ARHGEF28: variants seen among roughly 807,000 people sequenced by gnomAD.
The protein encoded by ARHGEF28 is Rho guanine nucleotide exchange factor 28.
Under a neutral mutation model 206.6 loss-of-function variants are expected in ARHGEF28, and 152 were observed. That is an observed-to-expected ratio of 0.74 (90% confidence interval 0.64 to 0.84). The LOEUF (loss-of-function observed/expected upper bound fraction) is 0.84. Ranked by LOEUF, ARHGEF28 falls within the 40% of genes least tolerant of loss-of-function variation. The pLI is 0.00. For missense variants in ARHGEF28, 2,028 were observed against 2,073.2 expected (o/e 0.98, Z 0.42); for synonymous variants, 763 against 776.4 (o/e 0.98, Z 0.29).
chr5:73,761,464 GCAGGGAGC>G (rs1430139077), intron 4 of ARHGEF28, among the ~76,000 whole-genome samples: 1 of 152,110 alleles, frequency 6.6e-6, no homozygotes, highest in East Asian at 1.9e-4. Flanking sequence ...GGAGAGTGAG[GCAGGGAGC>G]CAGAAGAGAT....
intron 1 of ARHGEF28, among the ~76,000 whole-genome samples, chr5:73,654,451 C>T (rs1365152598): frequency 6.6e-6 from 1 of 152,152 alleles, no homozygotes; most frequent in African/African-American, 2.4e-5. Flanking sequence ...GCACCCAGAG[C>T]AGCATTTTTA....
At chr5:73,741,391 A>G (rs11746559) in intron 2 of ARHGEF28, among the ~76,000 whole-genome samples, 314 of 8,786 alleles carry the variant, frequency 0.036, 3 homozygotes, top group African/African-American at 0.091. Context: ...GTGTGTATAT[A>G]TATATATATA....
Position 73,778,634 on chromosome 5 carries a change from C to T in ARHGEF28, c.840+1938C>T, listed in dbSNP as rs534478402. The stretch of plus-strand genomic sequence containing the variant: ...ACCGAGAAGGAAGGGCTGAGAGATT[C>T]TTTATGGCTTCCGAAGACCTTAATT... On this transcript the variant is annotated intron_variant, in intron 6 of 35. Coordinates refer to ENST00000513042, the MANE Select transcript of ARHGEF28 (RefSeq NM_001177693.2). Among the ~76,000 whole-genome samples, 3 of 152,238 alleles carry T rather than the reference C, an allele frequency of 2.0e-5. No individual in the cohort carries two copies. In the South Asian group the frequency reaches 6.2e-4, roughly 32 times the overall value.
chr5:73,823,942 C>A (rs1009070105), intron 9 of ARHGEF28, among the ~76,000 whole-genome samples: 7 of 152,160 alleles, frequency 4.6e-5, no homozygotes, highest in Non-Finnish European at 1.0e-4. Context: ...ATTAATCATA[C>A]AGTGCCTGGT....
chr5:73,868,910 G>A lies in ARHGEF28; in HGVS notation c.2425+683G>A, dbSNP rs187168735. On this transcript the variant is annotated intron_variant, in intron 20 of 35. Coordinates refer to ENST00000513042, the MANE Select transcript of ARHGEF28 (RefSeq NM_001177693.2). ...GATCCAACTGCCTCGGCCTCCCAAA[G>A]TGCCGGGATTACAGGCATGAGCCAC... Among the ~76,000 whole-genome samples the A allele has an allele frequency of 1.1e-3, 172 of 152,290 alleles. No individual in the cohort carries two copies. In the Middle Eastern group the frequency reaches 0.027, roughly 24 times the overall value.
At chr5:73,657,247 A>G (rs866495292) in intron 1 of ARHGEF28, among the ~76,000 whole-genome samples, 3 of 148,818 alleles carry the variant, frequency 2.0e-5, no homozygotes, top group Non-Finnish European at 4.4e-5. Context: ...TCTCTTTCCC[A>G]TTTTTCACCT....
chr5:73,682,364 T>G (rs1438379730), intron 1 of ARHGEF28, among the ~76,000 whole-genome samples: 1 of 152,168 alleles, frequency 6.6e-6, no homozygotes, highest in Non-Finnish European at 1.5e-5. Flanking sequence ...TCATATTCAC[T>G]TTCTTGCCAA....
chr5:73,772,992 T>C (rs1293683765), intron 4 of ARHGEF28, among the ~76,000 whole-genome samples: 1 of 152,252 alleles, frequency 6.6e-6, no homozygotes, highest in African/African-American at 2.4e-5. Context: ...GTGTCCATTT[T>C]ACAGTGAACA....
Position 73,669,156 on chromosome 5 carries a change from T to A in ARHGEF28, c.-11-15685T>A, listed in dbSNP as rs1746150866. The stretch of plus-strand genomic sequence containing the variant: ...ATATTTTAAAAATTCCAATTCATTC[T>A]TAAAGGATAAAGCTTTTCTGCCACA... On this transcript the variant is annotated intron_variant, in intron 1 of 35. Coordinates refer to ENST00000513042, the MANE Select transcript of ARHGEF28 (RefSeq NM_001177693.2). 2.6e-5 allele frequency among the ~76,000 whole-genome samples: 4 copies of A among 152,358 alleles called. No individual in the cohort carries two copies. The South Asian group carries it at 8.3e-4, about 32-fold the overall frequency.
chr5:73,864,731 T>C, intron 16 of ARHGEF28, 86 bp from the exon 17 acceptor site: 1 of 1,141,774 alleles, frequency 8.8e-7, no homozygotes, highest in South Asian at 1.5e-5. Context: ...TTTTTTATAA[T>C]GACCAGTGAA....
chr5:73,904,240 C>T lies in ARHGEF28; in HGVS notation c.4093C>T (p.Pro1365Ser), dbSNP rs766076534. Residue 1365 changes from proline to serine, a missense_variant, in exon 32 of 36, where the codon CCA becomes TCA. Pro to Ser is a moderately conservative substitution (Grantham distance 74, BLOSUM62 -1). Around this residue, in one of 3 missense-constraint regions of ARHGEF28, gnomAD observed 803 missense variants for 768.0 expected, o/e 1.05. Transcript: ENST00000513042. Reference protein sequence around the residue: ...AGEKVECRNFPGSSQSEIIQA... With the variant: ...AGEKVECRNFSGSSQSEIIQA... The stretch of plus-strand genomic sequence containing the variant: ...ATTTTAGGTGGAATGTAGAAATTTT[C>T]CAGGTTCTTCACAATCAGAGGTGAG... The T allele has an allele frequency of 3.7e-6, 6 of 1,613,838 alleles. No homozygotes were observed. The highest frequency in any genetic ancestry group is 1.6e-4 in the Middle Eastern group (1 of 6,062).
intron 2 of ARHGEF28, among the ~76,000 whole-genome samples, chr5:73,713,602 T>C (rs1333450097): frequency 6.6e-6 from 1 of 152,192 alleles, no homozygotes; most frequent in Admixed American, 6.5e-5. Flanking sequence ...TGTTTGTGAA[T>C]ATTATCACCA....
At chr5:73,828,730 GTCTTTC>G (rs1366712439) in intron 9 of ARHGEF28, among the ~76,000 whole-genome samples, 2 of 132,888 alleles carry the variant, frequency 1.5e-5, no homozygotes, top group African/African-American at 2.8e-5. Context: ...CTTTCTCTCT[GTCTTTC>G]TCTTTCTTTC....
chr5:73,636,235 G>T (rs7704057), intron 1 of ARHGEF28, among the ~76,000 whole-genome samples: 14,721 of 152,114 alleles, frequency 0.097, 1,166 homozygotes, highest in East Asian at 0.33. Flanking sequence ...GAACCCTCTA[G>T]GTTATCTTCT....
At chr5:73,894,318 C>CT in intron 28 of ARHGEF28, 75 bp from the exon 29 acceptor site, 1 of 1,415,652 alleles carries the variant, frequency 7.1e-7, no homozygotes, top group South Asian at 1.4e-5. Flanking sequence ...TTAGCAACAT[C>CT]TTTTTCGTGG....
chr5:73,651,482 T>C (rs978237319), intron 1 of ARHGEF28, among the ~76,000 whole-genome samples: 3 of 152,180 alleles, frequency 2.0e-5, no homozygotes, highest in Non-Finnish European at 4.4e-5. Context: ...TGGTAGAGAT[T>C]GTGGGGAATG....
chr5:73,890,517 G>C (rs1761560182), intron 26 of ARHGEF28, among the ~76,000 whole-genome samples: 1 of 152,222 alleles, frequency 6.6e-6, no homozygotes, highest in South Asian at 2.1e-4. Flanking sequence ...CCATGGGGCT[G>C]CTTTTGCTTC....
chr5:73,817,970 T>C (rs1756331205), intron 9 of ARHGEF28, among the ~76,000 whole-genome samples: 1 of 152,176 alleles, frequency 6.6e-6, no homozygotes, highest in African/African-American at 2.4e-5. Flanking sequence ...TTTGTGCATC[T>C]TGATACCTTC....
intron 2 of ARHGEF28, among the ~76,000 whole-genome samples, chr5:73,741,929 T>C (rs1751457708): frequency 6.6e-6 from 1 of 152,238 alleles, no homozygotes; most frequent in Non-Finnish European, 1.5e-5. Flanking sequence ...AGTTTCCCAC[T>C]GTGATTGTGG....
Sources: gnomAD v4.1 joint callset for allele counts (sites outside exome capture counted in the v4.1 genomes callset) on GRCh38, gnomAD v4.1.1 for gene constraint, gnomAD v4.1.1 regional missense constraint, MANE v1.5 for transcripts, NCBI Gene and HGNC (gene_info 2026-07-23, HGNC 2026-07-21) for gene names.